The following ZFHX3 variants were observed in gnomAD, a reference collection of about 807,000 sequenced individuals.
ZFHX3 encodes zinc finger homeobox protein 3.
A neutral mutation model predicts 279.1 loss-of-function variants in ZFHX3; 42 were observed. The observed-to-expected ratio is 0.15, with a 90% CI of 0.12 to 0.19. ZFHX3 has a LOEUF of 0.19. Among genes scored for constraint, ZFHX3 ranks in the 10% least tolerant of loss-of-function variants. The pLI is 1.00. For missense variants in ZFHX3, 4,981 were observed against 4,754.0 expected (o/e 1.05, Z -1.40); for synonymous variants, 2,293 against 1,957.8 (o/e 1.17, Z -4.52).
chr16:73,478,316 A>T (rs776623785), intron 2 of ZFHX3, among the ~76,000 whole-genome samples: 1 of 151,782 alleles, frequency 6.6e-6, no homozygotes, highest in Non-Finnish European at 1.5e-5. Context: ...GCCATATGAC[A>T]TGCCTGAACA....
chr16:73,226,070 A>C (rs2012581071), intron 5 of ZFHX3, among the ~76,000 whole-genome samples: 1 of 152,238 alleles, frequency 6.6e-6, no homozygotes, highest in African/African-American at 2.4e-5. Flanking sequence ...GAAATAAAAT[A>C]TAAACTGGGG....
Position 73,026,192 on chromosome 16 carries a change from CAAAAAAAAAAAAAAAAAA to C in ZFHX3, c.-50+21542_-50+21559del, listed in dbSNP as rs60146795. Among the ~76,000 whole-genome samples the C allele has an allele frequency of 8.8e-4, 42 of 47,486 alleles. 1 individual carries two copies. The highest frequency in any genetic ancestry group is 2.9e-3 in the African/African-American group (37 of 12,670). The allele number at this position is 47,486 out of a possible 152,430, so 31.2% of individuals were successfully genotyped here. Reference sequence around the variant, plus strand: ...CAAAACCCCATCTCTACAAAAAATACAAAAAAAAAAAAAAAAAAAAAAAAAAAAAAGCCAGGTGTGGTG... The same window carrying C: ...CAAAACCCCATCTCTACAAAAAATACAAAAAAAAAAAAGCCAGGTGTGGTG... On this transcript the variant is annotated intron_variant, in intron 1 of 9. Coordinates refer to ENST00000268489, the MANE Select transcript of ZFHX3 (RefSeq NM_006885.4).
chr16:73,815,518 G>A (rs997138337), intron 1 of ZFHX3: 1 of 151,604 alleles, frequency 6.6e-6, no homozygotes, highest in African/African-American at 2.4e-5. Flanking sequence ...GAACCGATAT[G>A]AACCGAAATC....
intron 2 of ZFHX3, among the ~76,000 whole-genome samples, chr16:73,501,945 T>C (rs759999272): frequency 4.6e-5 from 7 of 152,048 alleles, no homozygotes; most frequent in Non-Finnish European, 2.9e-5. Flanking sequence ...GTTAATGTTA[T>C]AGAGGATTTT....
At chr16:73,785,484 T>C (rs1959614259) in intron 1 of ZFHX3, among the ~76,000 whole-genome samples, 1 of 152,196 alleles carries the variant, frequency 6.6e-6, no homozygotes, top group Non-Finnish European at 1.5e-5. Context: ...TAAAAAGGCT[T>C]CTGCCCTGCA....
At position 73,145,788 on chromosome 16, in the gene ZFHX3, T is replaced by G. The variant is rs1688683254; in HGVS notation, c.-1103-1957A>C. 2.0e-5 allele frequency among the ~76,000 whole-genome samples: 3 copies of G among 152,244 alleles called. No individual in the cohort carries two copies. In the South Asian group the frequency reaches 6.2e-4, roughly 32 times the overall value. ...CCTCGTATTGTCTGTTGAATGGGGC[T>G]GATTGGTTCTTGAAATGAAACCAAT... On this transcript the variant is annotated intron_variant, in intron 5 of 17. Transcript: ENST00000641206.
At chr16:73,862,296 C>T (rs1240435168) in intron 1 of ZFHX3, among the ~76,000 whole-genome samples, 1 of 152,136 alleles carries the variant, frequency 6.6e-6, no homozygotes, top group Non-Finnish European at 1.5e-5. Flanking sequence ...TTAATAAGTC[C>T]CCTTTGGTTT....
At chr16:72,954,883 A>T (rs1359950146) in intron 2 of ZFHX3, among the ~76,000 whole-genome samples, 1 of 152,110 alleles carries the variant, frequency 6.6e-6, no homozygotes, top group African/African-American at 2.4e-5. Flanking sequence ...GAAAACAATC[A>T]CCTTGTAAAG....
intron 8 of ZFHX3, among the ~76,000 whole-genome samples, chr16:73,070,722 C>A (rs1010662840): frequency 6.6e-6 from 1 of 151,720 alleles, no homozygotes; most frequent in Admixed American, 6.6e-5. Flanking sequence ...CTCTCTCTCT[C>A]TCTCTCTCGC....
In ZFHX3 at chr16:73,786,377, G is replaced by A. The variant is rs537078611; in HGVS notation, c.-1608+105274C>T. Among the ~76,000 whole-genome samples, 11 of 151,880 alleles carry A rather than the reference G, an allele frequency of 7.2e-5. No homozygotes were observed. In the South Asian group the frequency reaches 2.3e-3, roughly 32 times the overall value. ...AATGTCTGGATAAGCATTTTCTATT[G>A]ATTCATATTATAAAATGAGACACAT... On this transcript the variant is annotated intron_variant, in intron 1 of 17. Transcript: ENST00000641206.
chr16:73,129,670 G>A (rs760840812), intron 7 of ZFHX3, among the ~76,000 whole-genome samples: 6 of 151,642 alleles, frequency 4.0e-5, no homozygotes, highest in South Asian at 2.1e-4. Flanking sequence ...GTGTGCCCAC[G>A]CCTGTGTGCA....
At chr16:73,703,903 G>T (rs1301351693) in intron 1 of ZFHX3, among the ~76,000 whole-genome samples, 2 of 152,114 alleles carry the variant, frequency 1.3e-5, no homozygotes, top group African/African-American at 4.8e-5. Flanking sequence ...GGTGAAAGAG[G>T]GCATTAGGGG....
chr16:72,864,237 A>G (rs560135921), intron 4 of ZFHX3, among the ~76,000 whole-genome samples: 2 of 151,694 alleles, frequency 1.3e-5, no homozygotes, highest in South Asian at 2.1e-4. Context: ...TTTTCTTTTG[A>G]TTTACTCCTC....
At chr16:73,456,066 C>T (rs1043239639) in exon 3 of ZFHX3, 33 of 152,104 alleles carry the variant, frequency 2.2e-4, no homozygotes, top group African/African-American at 7.7e-4. Flanking sequence ...TTAAAAATGT[C>T]CAAACAAGAA....
chr16:73,633,258 A>G (rs2052494535), intron 2 of ZFHX3, among the ~76,000 whole-genome samples: 1 of 152,224 alleles, frequency 6.6e-6, no homozygotes, highest in African/African-American at 2.4e-5. Flanking sequence ...CCAGAGGCCC[A>G]TTTTAAAAGG....
intron 1 of ZFHX3, among the ~76,000 whole-genome samples, chr16:73,870,975 C>A (rs548843896): frequency 6.6e-6 from 1 of 152,242 alleles, no homozygotes; most frequent in Non-Finnish European, 1.5e-5. Context: ...CAAACCAATA[C>A]CCCTGCTAGA....
chr16:72,946,653 T>C (rs1050103111), intron 3 of ZFHX3, among the ~76,000 whole-genome samples: 1 of 152,082 alleles, frequency 6.6e-6, no homozygotes, highest in Non-Finnish European at 1.5e-5. Flanking sequence ...AAGATAAACG[T>C]GGAAGAGCTG....
At chr16:73,661,817 A>G (rs1201266577) in intron 2 of ZFHX3, among the ~76,000 whole-genome samples, 1 of 151,814 alleles carries the variant, frequency 6.6e-6, no homozygotes, top group East Asian at 1.9e-4. Context: ...AGCCAGATGG[A>G]GTTTAAGGTC....
chr16:73,588,264 G>A (rs936261315), intron 2 of ZFHX3, among the ~76,000 whole-genome samples: 2 of 152,088 alleles, frequency 1.3e-5, no homozygotes, highest in Non-Finnish European at 2.9e-5. Flanking sequence ...AAGAATGTAC[G>A]TAGAAGAAAT....
Sources: allele counts gnomAD v4.1 joint callset (sites outside exome capture counted in the v4.1 genomes callset), GRCh38; gene constraint gnomAD v4.1.1; transcripts MANE v1.5; gene names NCBI Gene and HGNC (gene_info 2026-07-23, HGNC 2026-07-21).